Variants in GDPD4 observed in about 807,000 individuals in gnomAD.
The protein encoded by GDPD4 is glycerophosphodiester phosphodiesterase 6.
Under a neutral mutation model 67.8 loss-of-function variants are expected in GDPD4, and 60 were observed. That is an observed-to-expected ratio of 0.88 (90% CI 0.72 to 1.10). The LOEUF (loss-of-function observed/expected upper bound fraction) is 1.10, where lower values mean the gene tolerates loss of function less well. Ranked by LOEUF, GDPD4 falls within the 50% of genes least tolerant of loss-of-function variation. The pLI, the probability that GDPD4 is intolerant of heterozygous loss-of-function variation, is 0.00. For synonymous variants in GDPD4, 212 were observed against 210.9 expected (o/e 1.00, Z -0.04); for missense variants, 623 against 613.9 (o/e 1.01, Z -0.16).
chr11:77,219,246 A>G (rs891241065), intron 16 of GDPD4, among the ~76,000 whole-genome samples: 4 of 151,666 alleles, frequency 2.6e-5, no homozygotes, highest in Non-Finnish European at 5.9e-5. Context: ...TTGTTCTTGT[A>G]AATTTGTTTA....
chr11:77,242,966 A>G (rs558844309), intron 13 of GDPD4, among the ~76,000 whole-genome samples: 1 of 152,076 alleles, frequency 6.6e-6, no homozygotes, highest in African/African-American at 2.4e-5. Context: ...AGATATCTAT[A>G]TATTATGTAT....
In GDPD4 at chr11:77,245,518, T is replaced by G; in HGVS notation, c.865-16A>C. ...ATGGCCTGAGCTAGAAACAAATACA[T>G]CAAAAAATACATAAAAGCACTTTCC... On this transcript the variant is annotated splice_polypyrimidine_tract_variant and intron_variant, in intron 11 of 16. Transcript: ENST00000315938. 1 of 1,581,400 alleles carries G rather than the reference T, an allele frequency of 6.3e-7. No individual in the cohort carries two copies. The highest frequency in any genetic ancestry group is 8.7e-7 in the Non-Finnish European group (1 of 1,151,902).
Position 77,288,613 on chromosome 11 carries a change from G to A in GDPD4, c.-253-1193C>T, listed in dbSNP as rs184103619. On this transcript the variant is annotated intron_variant, in intron 1 of 16. Transcript: ENST00000315938. ...ATGAACCCAGAATAAAAACTAAAGT[G>A]CCCCACCCAACCAACTCTACAGATA... is the stretch of plus-strand genomic sequence containing the variant. 2.2e-3 allele frequency among the ~76,000 whole-genome samples: 327 copies of A among 152,066 alleles called. 2 individuals are homozygous for A. The highest frequency in any genetic ancestry group is 7.5e-3 in the African/African-American group (313 of 41,474).
intron 1 of GDPD4, among the ~76,000 whole-genome samples, 190 bp downstream of exon 1, chr11:77,301,415 G>A (rs986836225): frequency 3.3e-5 from 5 of 152,068 alleles, no homozygotes; most frequent in Non-Finnish European, 7.4e-5. Context: ...AATACACGAA[G>A]CCGCTACTGT....
intron 3 of GDPD4, among the ~76,000 whole-genome samples, chr11:77,282,758 G>C (rs1959821650): frequency 6.6e-6 from 1 of 151,944 alleles, no homozygotes; most frequent in African/African-American, 2.4e-5. Context: ...GAAGAATATG[G>C]ATGTAAGCTC....
At chr11:77,285,431 A>G (rs998546354) in intron 2 of GDPD4, among the ~76,000 whole-genome samples, 1 of 152,186 alleles carries the variant, frequency 6.6e-6, no homozygotes, top group Non-Finnish European at 1.5e-5. Flanking sequence ...TTCTTCTTTG[A>G]GGAAAAGGAA....
intron 1 of GDPD4, among the ~76,000 whole-genome samples, chr11:77,298,143 T>C (rs1938039766): frequency 6.6e-6 from 1 of 152,092 alleles, no homozygotes; most frequent in South Asian, 2.1e-4. Context: ...TCTTGGAGAT[T>C]CAGTTTAAGA....
At chr11:77,258,680 G>A (rs1959051965) in intron 10 of GDPD4, 138 bp from the exon 11 acceptor site, 1 of 698,512 alleles carries the variant, frequency 1.4e-6, no homozygotes. Flanking sequence ...TTAGAAAAGG[G>A]CTACATATCA....
intron 10 of GDPD4, among the ~76,000 whole-genome samples, chr11:77,261,823 A>G (rs1959124582): frequency 6.6e-6 from 1 of 152,222 alleles, no homozygotes; most frequent in Non-Finnish European, 1.5e-5. Flanking sequence ...GTTGGAGCTC[A>G]GAAACCTACA....
chr11:77,237,983 C>T (rs1363295350), intron 13 of GDPD4, among the ~76,000 whole-genome samples: 1 of 152,064 alleles, frequency 6.6e-6, no homozygotes, highest in Non-Finnish European at 1.5e-5. Context: ...AGATCTAAAA[C>T]AGGTCACCTA....
intron 1 of GDPD4, among the ~76,000 whole-genome samples, chr11:77,291,841 A>G (rs1937787164): frequency 6.6e-6 from 1 of 151,928 alleles, no homozygotes; most frequent in Non-Finnish European, 1.5e-5. Context: ...GACCAGCCTG[A>G]CCAACATGGA....
intron 2 of GDPD4, among the ~76,000 whole-genome samples, chr11:77,286,623 G>A (rs1960007591): frequency 6.6e-6 from 1 of 152,202 alleles, no homozygotes; most frequent in Non-Finnish European, 1.5e-5. Context: ...TTGCTCTTCT[G>A]TTCTCATTTC....
Position 77,216,770 on chromosome 11 carries a change from A to C in GDPD4, c.*507T>G, listed in dbSNP as rs1040175690. On this transcript the variant is annotated 3_prime_UTR_variant, in exon 17 of 17. Coordinates refer to ENST00000315938, the MANE Select transcript of GDPD4 (RefSeq NM_182833.3). ...GTGGCCCTTCTGTGTGCCTTTATCAACCACTCCCCACCATCACCACCCTTA... is the reference window on the plus strand; with the variant it reads ...GTGGCCCTTCTGTGTGCCTTTATCACCCACTCCCCACCATCACCACCCTTA... The C allele has an allele frequency of 5.0e-6, 3 of 601,362 alleles. No homozygotes were observed. The East Asian group carries it at 8.2e-5, about 17-fold the overall frequency. The allele number at this position is 601,362 out of a possible 1,614,324, so 37.3% of individuals were successfully genotyped here.
intron 14 of GDPD4, among the ~76,000 whole-genome samples, chr11:77,230,240 A>T (rs146150490): frequency 1.6e-4 from 24 of 152,314 alleles, no homozygotes; most frequent in Admixed American, 2.0e-4. Flanking sequence ...GGCCTACCAG[A>T]TAAGCAGAAT....
chr11:77,257,981 A>G (rs1460643309), intron 11 of GDPD4, among the ~76,000 whole-genome samples: 2 of 152,178 alleles, frequency 1.3e-5, no homozygotes, highest in Non-Finnish European at 2.9e-5. Flanking sequence ...ATTCACCATT[A>G]TATTCCATGT....
Position 77,216,962 on chromosome 11 carries a change from G to A in GDPD4, c.*315C>T. Reference sequence around the variant, plus strand: ...TTAAGGATAGGGGACCTCTATGGAGGGCATGGTTGGCTTATCCACCTTCAG... The same window carrying A: ...TTAAGGATAGGGGACCTCTATGGAGAGCATGGTTGGCTTATCCACCTTCAG... On this transcript the variant is annotated 3_prime_UTR_variant, in exon 17 of 17. Transcript: ENST00000315938. 1.4e-6 allele frequency: 1 copy of A among 702,930 alleles called. No homozygotes were observed. Among genetic ancestry groups the A allele is most frequent in the Non-Finnish European group, 2.6e-6 (1 of 385,014 alleles). 43.5% of individuals were successfully genotyped at this position (702,930 alleles called of 1,614,324 possible).
Position 77,271,110 on chromosome 11 carries a change from T to C in GDPD4, c.400+20A>G, listed in dbSNP as rs758345887. 2 of 1,533,956 alleles carry C rather than the reference T, an allele frequency of 1.3e-6. No homozygotes were observed. The highest frequency in any genetic ancestry group is 3.4e-5 in the Admixed American group (2 of 58,186). ...GCCAGAGCTGAAGAAATAGGCAGGG[T>C]TCTGCCCTATGTGACATACCTTCTC... On this transcript the variant is annotated intron_variant, in intron 7 of 16. Transcript: ENST00000315938.
chr11:77,295,723 A>G (rs913736730), intron 1 of GDPD4, among the ~76,000 whole-genome samples: 2 of 152,234 alleles, frequency 1.3e-5, no homozygotes, highest in African/African-American at 4.8e-5. Flanking sequence ...TTTGTTAGGT[A>G]TAACACCAAA....
intron 2 of GDPD4, among the ~76,000 whole-genome samples, chr11:77,286,616 C>T (rs1202913348): frequency 6.6e-6 from 1 of 152,204 alleles, no homozygotes; most frequent in African/African-American, 2.4e-5. Flanking sequence ...CATGATTTTG[C>T]TCTTCTGTTC....
Sources: allele counts gnomAD v4.1 joint callset (sites outside exome capture counted in the v4.1 genomes callset), GRCh38; gene constraint gnomAD v4.1.1; transcripts MANE v1.5; gene names NCBI Gene and HGNC (gene_info 2026-07-23, HGNC 2026-07-21).